Variants in PTPRD observed in about 807,000 individuals in gnomAD.
PTPRD encodes protein tyrosine phosphatase receptor type D, also known as receptor-type tyrosine-protein phosphatase delta.
PTPRD carries 34 observed loss-of-function variants against 214.5 expected under a neutral mutation model. The ratio of observed to expected loss-of-function variants is 0.16; its 90% CI spans 0.12 to 0.21. The LOEUF is 0.21. Ranked by LOEUF, PTPRD falls within the 10% of genes least tolerant of loss-of-function variation. The pLI, the probability that PTPRD is intolerant of heterozygous loss-of-function variation, is 1.00. For synonymous variants in PTPRD, 1,128 were observed against 845.7 expected, an observed-to-expected ratio of 1.33 and a Z score of -5.79; for missense variants, 2,545 against 2,398.7, an observed-to-expected ratio of 1.06 and a Z score of -1.27.
At chr9:10,420,122 G>A (rs2098532307) in intron 2 of PTPRD, among the ~76,000 whole-genome samples, 1 of 151,700 alleles carries the variant, frequency 6.6e-6, no homozygotes, top group Non-Finnish European at 1.5e-5. Flanking sequence ...AGTAAAAAGA[G>A]GAGGAAGAAA....
chr9:8,657,140 G>C (rs934313046), intron 12 of PTPRD, among the ~76,000 whole-genome samples: 6 of 149,964 alleles, frequency 4.0e-5, no homozygotes, highest in African/African-American at 9.8e-5. Flanking sequence ...CTTTTGAGAA[G>C]TGTCTGTTCA....
rs973787648 is a variant in PTPRD at position 8,554,911 on chromosome 9, C to T, written c.353-26132G>A. Among the ~76,000 whole-genome samples the T allele has an allele frequency of 6.6e-5, 10 of 152,002 alleles. 2 individuals are homozygous for T. The highest frequency in any genetic ancestry group is 5.2e-4 in the Admixed American group (8 of 15,268). The stretch of plus-strand genomic sequence containing the variant: ...AAGGTGATCCAGGATCAGAGTCCAT[C>T]AAGTTGAAACTTAAGTCTCTTTGTA... On this transcript the variant is annotated intron_variant, in intron 14 of 45. Transcript: ENST00000381196.
chr9:9,478,248 G>A (rs1278464426), intron 8 of PTPRD, among the ~76,000 whole-genome samples: 1 of 152,116 alleles, frequency 6.6e-6, no homozygotes, highest in East Asian at 1.9e-4. Context: ...TTAACTGCAT[G>A]GGTATCAAAC....
intron 8 of PTPRD, among the ~76,000 whole-genome samples, chr9:9,555,063 T>C (rs943351260): frequency 2.0e-5 from 3 of 152,058 alleles, no homozygotes; most frequent in African/African-American, 7.2e-5. Context: ...GTTCTAAAAG[T>C]GGTTTGTTTA....
chr9:10,576,430 T>C (rs1204593261), intron 2 of PTPRD, among the ~76,000 whole-genome samples: 1 of 152,040 alleles, frequency 6.6e-6, no homozygotes, highest in Non-Finnish European at 1.5e-5. Flanking sequence ...AGAATCTCAG[T>C]ATTTAAAACC....
intron 9 of PTPRD, among the ~76,000 whole-genome samples, chr9:9,387,867 T>C (rs772251604): frequency 1.3e-5 from 2 of 152,176 alleles, no homozygotes; most frequent in African/African-American, 2.4e-5. Flanking sequence ...ATTTTCATTA[T>C]GGTAAAAATG....
chr9:9,977,366 A>T (rs1331222110), intron 4 of PTPRD, among the ~76,000 whole-genome samples: 3 of 152,206 alleles, frequency 2.0e-5, no homozygotes, highest in Admixed American at 6.5e-5. Flanking sequence ...ATTTATAAAT[A>T]TAATGTGAGA....
intron 3 of PTPRD, among the ~76,000 whole-genome samples, chr9:10,165,776 A>C (rs1327510498): frequency 6.6e-6 from 1 of 151,242 alleles, no homozygotes; most frequent in African/African-American, 2.4e-5. Flanking sequence ...TTTTCTCTTA[A>C]AAAAAACCAT....
chr9:10,419,878 T>C (rs1056327123), intron 2 of PTPRD, among the ~76,000 whole-genome samples: 1 of 151,820 alleles, frequency 6.6e-6, no homozygotes, highest in Non-Finnish European at 1.5e-5. Flanking sequence ...ACATACTTCA[T>C]ATATTTATTA....
At chr9:9,286,338 G>A (rs1408991002) in intron 9 of PTPRD, among the ~76,000 whole-genome samples, 1 of 151,766 alleles carries the variant, frequency 6.6e-6, no homozygotes, top group African/African-American at 2.4e-5. Flanking sequence ...AAATTATACT[G>A]TCAACAATAC....
intron 2 of PTPRD, among the ~76,000 whole-genome samples, chr9:10,536,266 C>T (rs1178030674): frequency 1.3e-5 from 2 of 152,060 alleles, no homozygotes; most frequent in African/African-American, 2.4e-5. Context: ...CATCTGTGCA[C>T]AGATAGTGAA....
rs767574072 is a variant in PTPRD at position 8,376,039 on chromosome 9, G to A, written c.4558C>T (p.Pro1520Ser). The change falls in exon 39 of 46, where the codon CCT becomes TCT. Residue 1520 changes from proline (P) to serine (S), a missense_variant. Physicochemically the swap from Pro to Ser is moderately conservative, Grantham distance 74. Transcript: ENST00000381196. ...EVRQFQFTAW[P>S]DHGVPEHPTP... ...GGGTGTTCTGGAACACCATGATCAG[G>A]CCAGGCGGTGAACTGGAATTGTCTC... The A allele has an allele frequency of 1.2e-6, 2 of 1,612,964 alleles. No homozygotes were observed. Among genetic ancestry groups the A allele is most frequent in the Non-Finnish European group, 1.7e-6 (2 of 1,179,270 alleles).
intron 7 of PTPRD, among the ~76,000 whole-genome samples, chr9:9,668,858 A>C (rs190884254): frequency 2.3e-3 from 353 of 152,222 alleles, no homozygotes; most frequent in African/African-American, 8.0e-3. Flanking sequence ...TTTTGGGAAA[A>C]ACTGCACTCC....
At position 8,575,532 on chromosome 9, in the gene PTPRD, C is replaced by G. The variant is rs145367508; in HGVS notation, c.353-46753G>C. On this transcript the variant is annotated intron_variant, in intron 14 of 45. Coordinates refer to ENST00000381196, the MANE Select transcript of PTPRD (RefSeq NM_002839.4). ...AGTATCCTTCGTTACTGTGACCTCC[C>G]TCACCCTATGGATTTTACCAGACGA... Among the ~76,000 whole-genome samples, 490 of 152,222 alleles carry G rather than the reference C, an allele frequency of 3.2e-3. 3 individuals carry two copies. The highest frequency in any genetic ancestry group is 0.011 in the African/African-American group (467 of 41,546).
intron 11 of PTPRD, among the ~76,000 whole-genome samples, chr9:8,740,153 G>A (rs1179882525): frequency 6.6e-6 from 1 of 152,060 alleles, no homozygotes; most frequent in Non-Finnish European, 1.5e-5. Context: ...AAACTACCCT[G>A]AACACGCCCA....
chr9:9,742,951 T>C (rs969490254), intron 6 of PTPRD, among the ~76,000 whole-genome samples: 1 of 152,214 alleles, frequency 6.6e-6, no homozygotes, highest in Non-Finnish European at 1.5e-5. Flanking sequence ...CCTTCTTTAG[T>C]GTCTTCCTTT....
intron 10 of PTPRD, among the ~76,000 whole-genome samples, chr9:9,177,693 A>G (rs2099925739): frequency 6.6e-6 from 1 of 152,138 alleles, no homozygotes; most frequent in South Asian, 2.1e-4. Flanking sequence ...GCTTAATCCT[A>G]TCAATCTTGA....
chr9:8,605,291 T>C (rs1448722169), intron 14 of PTPRD, among the ~76,000 whole-genome samples: 1 of 152,220 alleles, frequency 6.6e-6, no homozygotes, highest in African/African-American at 2.4e-5. Flanking sequence ...TAAGCATAAT[T>C]GGACTTAACT....
chr9:9,452,370 C>A (rs929568472), intron 8 of PTPRD, among the ~76,000 whole-genome samples: 3 of 151,342 alleles, frequency 2.0e-5, no homozygotes, highest in Admixed American at 6.6e-5. Context: ...TTTCTCACTA[C>A]AATAAATTTA....
Sources: gnomAD v4.1 joint callset for allele counts (sites outside exome capture counted in the v4.1 genomes callset) on GRCh38, gnomAD v4.1.1 for gene constraint, MANE v1.5 for transcripts, NCBI Gene and HGNC (gene_info 2026-07-23, HGNC 2026-07-21) for gene names.